ADGRD2: variants seen among roughly 807,000 people sequenced by gnomAD.
The protein encoded by ADGRD2 is G protein-coupled receptor PGR24.
ADGRD2 carries 71 observed loss-of-function variants against 44.4 expected under a neutral mutation model. That is an observed-to-expected ratio of 1.60 (90% CI 1.32 to 1.95). The LOEUF (loss-of-function observed/expected upper bound fraction) is 1.95. Among genes scored for constraint, ADGRD2 ranks in the 30% most tolerant of loss-of-function variants. The probability of loss-of-function intolerance (pLI) is 0.00; values close to 1 mark genes in which losing one functional copy is unlikely to be tolerated. For missense variants in ADGRD2, 1,039 were observed against 512.4 expected (o/e 2.03, Z -9.92); for synonymous variants, 481 against 224.8 (o/e 2.14, Z -10.19).
At chr9:124,468,490 C>G in intron 13 of ADGRD2, 29 bp from the exon 17 acceptor site, 1 of 717,994 alleles carries the variant, frequency 1.4e-6, no homozygotes, top group Middle Eastern at 2.3e-4. Context: ...TGACCTCGGA[C>G]CTGGGTGGGG....
chr9:124,459,605 C>G (rs1292798417), intron 10 of ADGRD2, among the ~76,000 whole-genome samples: 1 of 152,056 alleles, frequency 6.6e-6, no homozygotes. Context: ...AAAATAGCAT[C>G]TGTACTGAAC....
intron 10 of ADGRD2, among the ~76,000 whole-genome samples, chr9:124,463,674 C>A (rs1031287449): frequency 3.9e-5 from 6 of 152,236 alleles, no homozygotes; most frequent in Non-Finnish European, 7.4e-5. Context: ...TGGTAATTTG[C>A]GCCTTTCAAA....
In ADGRD2 at chr9:124,460,516, C is replaced by T. The variant is rs1831709133; in HGVS notation, c.1870+1795C>T. ...TACAGGTGTGAGCCACCACACCTGG[C>T]CCTGTGTCTGTCTTTTCTAGCATTT... is the stretch of plus-strand genomic sequence containing the variant. On this transcript the variant is annotated intron_variant, in intron 10 of 21. Coordinates refer to ENST00000334810, the Ensembl canonical transcript of ADGRD2. 2.0e-5 allele frequency among the ~76,000 whole-genome samples: 3 copies of T among 150,766 alleles called. No homozygotes were observed. The South Asian group carries it at 6.4e-4, about 32-fold the overall frequency.
At chr9:124,477,114 A>G (rs1220273755) in intron 21 of ADGRD2, 1 of 488,876 alleles carries the variant, frequency 2.0e-6, no homozygotes, top group Non-Finnish European at 4.2e-6. Context: ...CCTAGGATCC[A>G]GAGCCTTCCA....
intron 10 of ADGRD2, among the ~76,000 whole-genome samples, chr9:124,461,865 A>C (rs1831728193): frequency 6.6e-6 from 1 of 151,402 alleles, no homozygotes; most frequent in Non-Finnish European, 1.5e-5. Flanking sequence ...TTCCTGCCCC[A>C]GCCTACAGTA....
At chr9:124,451,456 G>T, upstream of ADGRD2, 1 of 353,670 alleles carries the variant, frequency 2.8e-6, no homozygotes, top group Non-Finnish European at 5.6e-6. Context: ...TCCCTACTAG[G>T]TGGGCCACCC....
chr9:124,469,302 G>A, exon 15 of ADGRD2: 1 of 718,262 alleles, frequency 1.4e-6, no homozygotes. Context: ...CTGGCTCAAT[G>A]TGCACACAAA....
At chr9:124,470,571 G>A (rs1439757314) in exon 17 of ADGRD2, 6 of 709,396 alleles carry the variant, frequency 8.5e-6, no homozygotes, top group South Asian at 1.5e-5. Flanking sequence ...GTGCACCTGA[G>A]CCCCGCCTGG....
intron 10 of ADGRD2, 141 bp downstream of exon 13, chr9:124,458,862 C>T (rs1237285222): frequency 1.7e-6 from 1 of 590,214 alleles, no homozygotes. Context: ...CTCCATTGTC[C>T]TCAAGGGAAT....
chr9:124,476,818 C>G (rs779516410), intron 21 of ADGRD2, 109 bp downstream of exon 24: 4 of 672,322 alleles, frequency 5.9e-6, no homozygotes, highest in Non-Finnish European at 1.1e-5. Flanking sequence ...CCCAACCTCC[C>G]GCAATTGCAG....
intron 17 of ADGRD2, among the ~76,000 whole-genome samples, chr9:124,474,276 C>CAA (rs397947760): frequency 0.016 from 1,264 of 80,186 alleles, 43 homozygotes; most frequent in African/African-American, 0.041. Flanking sequence ...AACTCTGTCT[C>CAA]AAAAAAAAAA....
chr9:124,467,923 C>A (rs1307800584), intron 12 of ADGRD2, 99 bp downstream of exon 15: 2 of 703,952 alleles, frequency 2.8e-6, no homozygotes, highest in Non-Finnish European at 5.3e-6. Flanking sequence ...TTGGTCCCAG[C>A]AGAACCTTGG....
intron 17 of ADGRD2, 25 bp downstream of exon 20, chr9:124,470,639 G>A (rs1258454584): frequency 1.4e-6 from 1 of 696,764 alleles, no homozygotes; most frequent in Non-Finnish European, 2.6e-6. Context: ...AACCTTCTGG[G>A]ACTAGGCCCT....
intron 10 of ADGRD2, among the ~76,000 whole-genome samples, chr9:124,464,919 C>T (rs930606528): frequency 1.3e-5 from 2 of 152,168 alleles, no homozygotes; most frequent in Non-Finnish European, 2.9e-5. Context: ...CAAAGTATCA[C>T]GGAGATCTTT....
Position 124,475,354 on chromosome 9 carries a change from C to T in ADGRD2, c.2759-92C>T. 4 of 657,320 alleles carry T rather than the reference C, an allele frequency of 6.1e-6. No individual in the cohort carries two copies. The Admixed American group carries it at 9.5e-5, about 16-fold the overall frequency. The allele number at this position is 657,320 out of a possible 1,614,324, so 40.7% of individuals were successfully genotyped here. On this transcript the variant is annotated intron_variant, in intron 17 of 21. Transcript: ENST00000334810. ...TGGGTATCTCTGCAAGTGTCTCTGCCACTGGGAGGCGCCGGGACCCCAGGC... is the reference window on the plus strand; with the variant it reads ...TGGGTATCTCTGCAAGTGTCTCTGCTACTGGGAGGCGCCGGGACCCCAGGC...
At chr9:124,453,941 G>GC in intron 3 of ADGRD2, 58 bp from the exon 7 acceptor site, 1 of 612,568 alleles carries the variant, frequency 1.6e-6, no homozygotes, top group Admixed American at 2.9e-5. Context: ...CCGGGGCCGT[G>GC]CGTCCTGGCT....
chr9:124,453,142 G>C (rs1383969973), exon 3 of ADGRD2: 1 of 701,736 alleles, frequency 1.4e-6, no homozygotes. Flanking sequence ...GTGTACTCAC[G>C]TGCAGTGGGA....
upstream of ADGRD2, chr9:124,451,417 G>A (rs1180620801): frequency 5.6e-6 from 2 of 359,696 alleles, no homozygotes; most frequent in Non-Finnish European, 1.1e-5. Flanking sequence ...GGGGCTCCTG[G>A]AGACCATCTT....
chr9:124,477,128 C>T (rs1308278022), intron 21 of ADGRD2: 6 of 470,784 alleles, frequency 1.3e-5, no homozygotes. Context: ...CCTTCCAAAC[C>T]CGCTGAGGGA....
Sources: allele counts gnomAD v4.1 joint callset (sites outside exome capture counted in the v4.1 genomes callset), GRCh38; gene constraint gnomAD v4.1.1; transcripts MANE v1.5; gene names NCBI Gene and HGNC (gene_info 2026-07-23, HGNC 2026-07-21).